TTC7B: variants seen among roughly 807,000 people sequenced by gnomAD.
The protein encoded by TTC7B is tetratricopeptide repeat protein 7B.
In TTC7B, 28 loss-of-function variants were observed where a neutral mutation model predicts 106.8. The observed-to-expected ratio is 0.26, with a 90% CI of 0.19 to 0.36. TTC7B has a LOEUF of 0.36. Among genes scored for constraint, TTC7B ranks in the 10% least tolerant of loss-of-function variants. The probability of loss-of-function intolerance (pLI) is 1.00; values close to 1 mark genes in which losing one functional copy is unlikely to be tolerated. For missense variants in TTC7B, 862 were observed against 1,076.4 expected (o/e 0.80, Z 2.79); for synonymous variants, 405 against 430.6 (o/e 0.94, Z 0.74).
chr14:90,816,362 C>T lies in TTC7B; in HGVS notation c.-67G>A, dbSNP rs1037774850. 1.0e-5 allele frequency: 9 copies of T among 862,052 alleles called. No individual in the cohort carries two copies. Among genetic ancestry groups the T allele is most frequent in the Non-Finnish European group, 5.6e-6 (4 of 720,448 alleles). The allele number at this position is 862,052 out of a possible 1,614,324, so 53.4% of individuals were successfully genotyped here. A position where few individuals can be genotyped will look rare whatever the true frequency, so the allele number is the denominator to read the frequency against. On this transcript the variant is annotated 5_prime_UTR_variant, in exon 1 of 20. Transcript: ENST00000328459. ...CCGCCGCCGCCGCGGCGCCCCCTCG[C>T]CGCCTCCCGCCGCCGCCGCGGGCTC... is the stretch of plus-strand genomic sequence containing the variant.
intron 12 of TTC7B, among the ~76,000 whole-genome samples, chr14:90,654,216 C>T (rs535836922): frequency 4.7e-4 from 71 of 152,216 alleles, no homozygotes; most frequent in African/African-American, 1.7e-3. Context: ...AGGGGGCTGG[C>T]AAGGTTCTAG....
chr14:90,729,691 G>A (rs1354143498), intron 5 of TTC7B, among the ~76,000 whole-genome samples: 3 of 152,180 alleles, frequency 2.0e-5, no homozygotes, highest in Non-Finnish European at 2.9e-5. Context: ...CCACTGAAAG[G>A]GCGATGCTCC....
At chr14:90,732,385 A>G (rs1206705434) in intron 4 of TTC7B, among the ~76,000 whole-genome samples, 2 of 151,512 alleles carry the variant, frequency 1.3e-5, no homozygotes, top group African/African-American at 4.9e-5. Context: ...TATTTCCCTC[A>G]CTCTCTATAA....
At chr14:90,731,933 A>T (rs934762960) in intron 4 of TTC7B, among the ~76,000 whole-genome samples, 1 of 152,200 alleles carries the variant, frequency 6.6e-6, no homozygotes, top group Non-Finnish European at 1.5e-5. Context: ...GCTTTTCAGC[A>T]TAGTTTTAAT....
chr14:90,814,129 C>T (rs1479014094), intron 1 of TTC7B, among the ~76,000 whole-genome samples: 2 of 152,224 alleles, frequency 1.3e-5, no homozygotes, highest in African/African-American at 4.8e-5. Flanking sequence ...AACTTGCACA[C>T]AGACCCATGG....
At chr14:90,803,897 T>G (rs1183576806) in intron 1 of TTC7B, among the ~76,000 whole-genome samples, 1 of 151,926 alleles carries the variant, frequency 6.6e-6, no homozygotes, top group African/African-American at 2.4e-5. Context: ...TAGAGCTGGT[T>G]TGGCCTGTCC....
At chr14:90,795,061 A>T (rs994963622) in intron 1 of TTC7B, among the ~76,000 whole-genome samples, 5 of 152,122 alleles carry the variant, frequency 3.3e-5, no homozygotes, top group Admixed American at 3.3e-4. Context: ...GTGTGACAAG[A>T]GGGAAAAAAG....
At chr14:90,591,418 A>G (rs1308298456) in intron 18 of TTC7B, among the ~76,000 whole-genome samples, 2 of 152,238 alleles carry the variant, frequency 1.3e-5, no homozygotes, top group Non-Finnish European at 2.9e-5. Flanking sequence ...ATAATCAGCT[A>G]CAAAATTTCC....
At chr14:90,697,106 T>A (rs561239371) in intron 5 of TTC7B, among the ~76,000 whole-genome samples, 1 of 152,170 alleles carries the variant, frequency 6.6e-6, no homozygotes, top group Non-Finnish European at 1.5e-5. Flanking sequence ...TTGAATTGTA[T>A]GAAATAAGCT....
Position 90,681,338 on chromosome 14 carries a change from G to A in TTC7B, c.951-803C>T, listed in dbSNP as rs754154031. On this transcript the variant is annotated intron_variant, in intron 7 of 19. Coordinates refer to ENST00000328459, the MANE Select transcript of TTC7B (RefSeq NM_001010854.2). ...CTCAATATTTTTTCATGAAATGGAC[G>A]AAGAGAGTGCAATAAATAAAAATGA... Among the ~76,000 whole-genome samples, 2 of 152,002 alleles carry A rather than the reference G, an allele frequency of 1.3e-5. 1 individual carries two copies. The highest frequency in any genetic ancestry group is 4.2e-4 in the South Asian group (2 of 4,810).
At chr14:90,592,677 C>G (rs1335190511) in intron 18 of TTC7B, among the ~76,000 whole-genome samples, 2 of 151,680 alleles carry the variant, frequency 1.3e-5, no homozygotes, top group Non-Finnish European at 2.9e-5. Flanking sequence ...CCACTGCACT[C>G]CAGCCTGGGT....
At position 90,538,778 on chromosome 14, in the gene TTC7B, C is replaced by T. The variant is rs559442881; in HGVS notation, c.*2590G>A. ...ACCTTTTAGGTAGAAGTGATGGAAACCCCTGTGCTTGCACTAAGCAAGATG... is the reference window on the plus strand; with the variant it reads ...ACCTTTTAGGTAGAAGTGATGGAAATCCCTGTGCTTGCACTAAGCAAGATG... On this transcript the variant is annotated 3_prime_UTR_variant, in exon 20 of 20. Coordinates refer to ENST00000328459, the MANE Select transcript of TTC7B (RefSeq NM_001010854.2). 6.6e-6 allele frequency: 1 copy of T among 152,122 alleles called. No individual in the cohort carries two copies. Among genetic ancestry groups the T allele is most frequent in the Admixed American group, 6.5e-5 (1 of 15,286 alleles). 9.4% of individuals were successfully genotyped at this position (152,122 alleles called of 1,614,324 possible).
chr14:90,584,586 T>C (rs1171768395), intron 18 of TTC7B, among the ~76,000 whole-genome samples: 3 of 152,064 alleles, frequency 2.0e-5, no homozygotes, highest in Non-Finnish European at 4.4e-5. Context: ...AGGGACATCT[T>C]TCGGAAACGC....
intron 5 of TTC7B, chr14:90,698,117 A>G (rs1456526581): frequency 3.3e-5 from 5 of 152,246 alleles, no homozygotes; most frequent in Non-Finnish European, 5.9e-5. Flanking sequence ...CAAATGTAAA[A>G]GCATGATTCC....
chr14:90,762,551 G>A (rs1890534766), intron 3 of TTC7B, among the ~76,000 whole-genome samples: 1 of 152,206 alleles, frequency 6.6e-6, no homozygotes, highest in East Asian at 1.9e-4. Flanking sequence ...TCAGGGGCTG[G>A]CAGTTTCCTG....
intron 19 of TTC7B, among the ~76,000 whole-genome samples, chr14:90,562,599 C>T (rs1890636562): frequency 6.6e-6 from 1 of 152,224 alleles, no homozygotes; most frequent in Admixed American, 6.5e-5. Flanking sequence ...TTCATCTTTT[C>T]TGTATCTGCT....
intron 19 of TTC7B, among the ~76,000 whole-genome samples, chr14:90,549,344 G>A (rs904753330): frequency 7.2e-5 from 11 of 152,192 alleles, no homozygotes; most frequent in Non-Finnish European, 1.6e-4. Flanking sequence ...AGTCAAACGG[G>A]CACCACCACG....
At chr14:90,815,668 C>T (rs554212947) in intron 1 of TTC7B, among the ~76,000 whole-genome samples, 1 of 152,192 alleles carries the variant, frequency 6.6e-6, no homozygotes, top group East Asian at 1.9e-4. Flanking sequence ...CCACCCAGAA[C>T]CCCTTAAACA....
chr14:90,571,992 A>T (rs1035251141), intron 19 of TTC7B, among the ~76,000 whole-genome samples: 7 of 152,216 alleles, frequency 4.6e-5, no homozygotes, highest in African/African-American at 1.7e-4. Context: ...AGGGACACAA[A>T]CTGGAAAACA....
Sources: allele counts gnomAD v4.1 joint callset (sites outside exome capture counted in the v4.1 genomes callset), GRCh38; gene constraint gnomAD v4.1.1; transcripts MANE v1.5; gene names NCBI Gene and HGNC (gene_info 2026-07-23, HGNC 2026-07-21).